CCDC85A: variants seen among roughly 807,000 people sequenced by gnomAD.
CCDC85A encodes coiled-coil domain-containing protein 85A.
In CCDC85A, 38 loss-of-function variants were observed where a neutral mutation model predicts 50.2. The observed-to-expected ratio is 0.76, with a 90% confidence interval of 0.58 to 0.99. The LOEUF is 0.99. Among genes scored for constraint, CCDC85A ranks in the 50% least tolerant of loss-of-function variants. The probability of loss-of-function intolerance (pLI) is 0.00; values close to 1 mark genes in which losing one functional copy is unlikely to be tolerated. For synonymous variants in CCDC85A, 366 were observed against 301.4 expected, an observed-to-expected ratio of 1.21 and a Z score of -2.22; for missense variants, 820 against 742.0, an observed-to-expected ratio of 1.11 and a Z score of -1.22.
intron 2 of CCDC85A, among the ~76,000 whole-genome samples, chr2:56,196,324 G>T (rs1676517306): frequency 6.6e-6 from 1 of 152,280 alleles, no homozygotes; most frequent in South Asian, 2.1e-4. Context: ...TTTCAAATAG[G>T]AAGTAGATTC....
chr2:56,233,044 G>A (rs1374725382), intron 2 of CCDC85A, among the ~76,000 whole-genome samples: 1 of 152,138 alleles, frequency 6.6e-6, no homozygotes, highest in African/African-American at 2.4e-5. Context: ...TCCCTGTAAG[G>A]CCTGTCTGCG....
At position 56,319,819 on chromosome 2, in the gene CCDC85A, G is replaced by A. The variant is rs139943636; in HGVS notation, c.1241-23060G>A. Reference sequence around the variant, plus strand: ...TGGGCACCACACACAAAGTGACTAGGCAGTCAGCTTAGAACTCAAGTGCAG... The same window carrying A: ...TGGGCACCACACACAAAGTGACTAGACAGTCAGCTTAGAACTCAAGTGCAG... On this transcript the variant is annotated intron_variant, in intron 2 of 5. Transcript: ENST00000407595. 2.4e-3 allele frequency among the ~76,000 whole-genome samples: 368 copies of A among 152,084 alleles called. 1 individual carries two copies. The highest frequency in any genetic ancestry group is 8.5e-3 in the African/African-American group (352 of 41,508).
rs371102377 is a variant in CCDC85A, at chr2:56,192,799, C to T, written c.599C>T (p.Thr200Ile). 39 of 1,613,232 alleles carry T rather than the reference C, an allele frequency of 2.4e-5. No homozygotes were observed. The highest frequency in any genetic ancestry group is 6.7e-5 in the East Asian group (3 of 44,868). The change falls in exon 2 of 6, where the codon ACC (threonine) becomes ATC (isoleucine). Residue 200 changes from threonine to isoleucine, a missense_variant. Physicochemically the swap from Thr to Ile is moderately conservative, Grantham distance 89. Transcript: ENST00000407595. This position sits in a 1 kb window ranked among gnomAD's most constrained non-coding sequence, Gnocchi z 4.7. ...QASLCQLTAS[T>I]APYVRDVGDG... ...AGCCTGTGCCAACTCACAGCCTCCA[C>T]CGCACCCTACGTGCGGGATGTGGGT...
chr2:56,225,276 A>G (rs1304615042), intron 2 of CCDC85A, among the ~76,000 whole-genome samples: 2 of 152,108 alleles, frequency 1.3e-5, no homozygotes, highest in African/African-American at 4.8e-5. Flanking sequence ...TATATAAACA[A>G]CTAGCTTGGC....
intron 2 of CCDC85A, among the ~76,000 whole-genome samples, chr2:56,228,184 G>T (rs1277036861): frequency 2.0e-5 from 3 of 152,128 alleles, no homozygotes; most frequent in Non-Finnish European, 4.4e-5. Context: ...TCTGTGATAT[G>T]GGCAAGTCTC....
intron 2 of CCDC85A, among the ~76,000 whole-genome samples, chr2:56,323,193 A>G (rs1673296926): frequency 6.6e-6 from 1 of 152,154 alleles, no homozygotes; most frequent in Non-Finnish European, 1.5e-5. Flanking sequence ...TACCTAATGT[A>G]AATGATGAGT....
At chr2:56,206,311 A>T (rs1426185740) in intron 2 of CCDC85A, among the ~76,000 whole-genome samples, 1 of 152,180 alleles carries the variant, frequency 6.6e-6, no homozygotes, top group Non-Finnish European at 1.5e-5. Context: ...TTTTAAATTG[A>T]ACTCCAAGTT....
chr2:56,184,953 G>A, intron 1 of CCDC85A, 53 bp downstream of exon 1: 2 of 1,437,994 alleles, frequency 1.4e-6, no homozygotes, highest in Non-Finnish European at 1.8e-6. Flanking sequence ...GGGGTGCCCC[G>A]AGGAGGAGGC....
chr2:56,289,929 CA>C (rs1488583621), intron 2 of CCDC85A, among the ~76,000 whole-genome samples: 3 of 152,110 alleles, frequency 2.0e-5, no homozygotes, highest in Non-Finnish European at 2.9e-5. Context: ...AACTGCAGAT[CA>C]AACTGAAGAA....
chr2:56,309,222 A>G (rs1354743778), intron 2 of CCDC85A, among the ~76,000 whole-genome samples: 12 of 152,328 alleles, frequency 7.9e-5, no homozygotes, highest in Admixed American at 7.2e-4. Context: ...AAAATAATCA[A>G]TTTATGATAT....
At chr2:56,372,532 T>A in intron 4 of CCDC85A, 54 bp downstream of exon 4, 2 of 1,447,920 alleles carry the variant, frequency 1.4e-6, no homozygotes, top group South Asian at 1.5e-5. Flanking sequence ...CCAGATGACT[T>A]CTGTTGCTAG....
At chr2:56,202,862 C>G (rs1302905854) in intron 2 of CCDC85A, among the ~76,000 whole-genome samples, 1 of 152,132 alleles carries the variant, frequency 6.6e-6, no homozygotes, top group Non-Finnish European at 1.5e-5. Context: ...CACCCATCCA[C>G]CCAAACAGAA....
intron 2 of CCDC85A, among the ~76,000 whole-genome samples, chr2:56,234,979 A>G (rs1227581097): frequency 6.6e-6 from 1 of 152,196 alleles, no homozygotes; most frequent in Non-Finnish European, 1.5e-5. Context: ...TCAGGTTGTG[A>G]AAAACAGTTT....
At chr2:56,355,197 G>T (rs1397316422) in intron 3 of CCDC85A, among the ~76,000 whole-genome samples, 2 of 152,150 alleles carry the variant, frequency 1.3e-5, no homozygotes, top group Non-Finnish European at 2.9e-5. Context: ...TATTCTCTGG[G>T]CTGAGAAAAT....
In CCDC85A at chr2:56,258,558, T is replaced by C. The variant is rs544571701; in HGVS notation, c.1240+65118T>C. On this transcript the variant is annotated intron_variant, in intron 2 of 5. Coordinates refer to ENST00000407595, the MANE Select transcript of CCDC85A (RefSeq NM_001080433.2). ...TGGCCTGGGATGAGACTGTTTGGCA[T>C]CCCAGTTTAGACTCTCTCATGCAGA... Among the ~76,000 whole-genome samples the C allele has an allele frequency of 2.0e-5, 3 of 152,310 alleles. No individual in the cohort carries two copies. The South Asian group carries it at 6.2e-4, about 32-fold the overall frequency.
At chr2:56,216,402 G>A (rs1001002301) in intron 2 of CCDC85A, among the ~76,000 whole-genome samples, 9 of 151,452 alleles carry the variant, frequency 5.9e-5, no homozygotes, top group African/African-American at 2.2e-4. Flanking sequence ...GTAGACTATC[G>A]TACTACTTAA....
intron 2 of CCDC85A, among the ~76,000 whole-genome samples, chr2:56,333,726 T>A (rs1167083267): frequency 1.3e-5 from 2 of 152,030 alleles, no homozygotes; most frequent in Admixed American, 6.6e-5. Flanking sequence ...TCAAAAAAAA[T>A]TTCCCAATGG....
At chr2:56,375,091 A>G (rs1025828508) in intron 4 of CCDC85A, among the ~76,000 whole-genome samples, 1 of 152,188 alleles carries the variant, frequency 6.6e-6, no homozygotes, top group Non-Finnish European at 1.5e-5. Context: ...CTGATCCATT[A>G]GTCTTCCCCC....
chr2:56,223,509 A>G (rs1668415233), intron 2 of CCDC85A, among the ~76,000 whole-genome samples: 1 of 152,066 alleles, frequency 6.6e-6, no homozygotes, highest in African/African-American at 2.4e-5. Context: ...CAATAATTCT[A>G]TCTCACTTTC....
Sources: allele counts gnomAD v4.1 joint callset (sites outside exome capture counted in the v4.1 genomes callset), GRCh38; gene constraint gnomAD v4.1.1; non-coding constraint Gnocchi (gnomAD v3.1); transcripts MANE v1.5; gene names NCBI Gene and HGNC (gene_info 2026-07-23, HGNC 2026-07-21).